The following CMPK2 variants were observed in gnomAD, a reference collection of about 807,000 sequenced individuals.
The protein encoded by CMPK2 is UMP-CMP kinase 2, mitochondrial.
Under a neutral mutation model 33.4 loss-of-function variants are expected in CMPK2, and 32 were observed. The observed-to-expected ratio is 0.96, with a 90% CI of 0.72 to 1.29. CMPK2 has a LOEUF of 1.29. CMPK2 is among the 50% of genes most tolerant of loss of function. The pLI, the probability that CMPK2 is intolerant of heterozygous loss-of-function variation, is 0.00. For missense variants in CMPK2, 672 were observed against 616.0 expected, an observed-to-expected ratio of 1.09 and a Z score of -0.96; for synonymous variants, 299 against 275.3, an observed-to-expected ratio of 1.09 and a Z score of -0.85.
At chr2:6,844,499 T>A (rs999522066), downstream of CMPK2, among the ~76,000 whole-genome samples, 14 of 152,196 alleles carry the variant, frequency 9.2e-5, no homozygotes, top group African/African-American at 3.1e-4. Context: ...ATGGACAACT[T>A]ACAATAATTA....
intron 4 of CMPK2, chr2:6,850,781 G>C: frequency 1.0e-6 from 1 of 985,520 alleles, no homozygotes. Context: ...TCATTGTTCA[G>C]TTAGAGAAAA....
intron 3 of CMPK2, among the ~76,000 whole-genome samples, chr2:6,860,935 C>A (rs1489996104): frequency 6.6e-6 from 1 of 152,158 alleles, no homozygotes; most frequent in Non-Finnish European, 1.5e-5. Flanking sequence ...TTCACCTACC[C>A]AAGTTATAGT....
Position 6,865,876 on chromosome 2 carries a change from C to T in CMPK2, c.-180G>A. ...GGCAGGAGCCCTGGGGCTGGGGCGC[C>T]CTTCCGGCCTCTCCTCCTCGCCGCG... On this transcript the variant is annotated 5_prime_UTR_variant, in exon 1 of 5. Coordinates refer to ENST00000256722, the MANE Select transcript of CMPK2 (RefSeq NM_207315.4). The T allele has an allele frequency of 7.3e-7, 1 of 1,373,786 alleles. No homozygotes were observed. Among genetic ancestry groups the T allele is most frequent in the African/African-American group, 1.5e-5 (1 of 65,072 alleles). The allele number at this position is 1,373,786 out of a possible 1,614,324, so 85.1% of individuals were successfully genotyped here.
chr2:6,845,055 G>T (rs1662324010), downstream of CMPK2, among the ~76,000 whole-genome samples: 1 of 152,156 alleles, frequency 6.6e-6, no homozygotes, highest in Non-Finnish European at 1.5e-5. Context: ...TGACATGGCT[G>T]CCAAGAGTGT....
rs1662452208 is a variant in CMPK2 at position 6,849,598 on chromosome 2, G to A, written c.*252C>T. 3.2e-6 allele frequency: 4 copies of A among 1,262,506 alleles called. No individual in the cohort carries two copies. Among genetic ancestry groups the A allele is most frequent in the Non-Finnish European group, 4.0e-6 (4 of 1,004,428 alleles). 78.2% of individuals were successfully genotyped at this position (1,262,506 alleles called of 1,614,324 possible). ...AGTGAAACATATGTTCCAAGAAAAT[G>A]TTTACTATGCCAGGAAGAAAGCAAT... On this transcript the variant is annotated 3_prime_UTR_variant, in exon 5 of 5. Transcript: ENST00000256722.
intron 2 of CMPK2, 31 bp from the exon 3 acceptor site, chr2:6,861,416 T>C (rs767087416): frequency 1.3e-6 from 2 of 1,551,188 alleles, no homozygotes; most frequent in Admixed American, 1.7e-5. Context: ...ATATACATCT[T>C]AACCACAGCC....
downstream of CMPK2, chr2:6,840,568 G>T: frequency 1.4e-6 from 1 of 702,190 alleles, no homozygotes; most frequent in Non-Finnish European, 2.6e-6. Context: ...GGATGTCAGG[G>T]GTCATTCCAG....
chr2:6,841,478 G>A (rs1662232811), intron 3 of CMPK2, among the ~76,000 whole-genome samples: 1 of 152,148 alleles, frequency 6.6e-6, no homozygotes, highest in South Asian at 2.1e-4. Context: ...CAACCTCTGG[G>A]CTATTTGATG....
downstream of CMPK2, among the ~76,000 whole-genome samples, chr2:6,846,331 C>T (rs773090508): frequency 1.4e-4 from 21 of 152,272 alleles, no homozygotes; most frequent in Admixed American, 2.6e-4. Context: ...GATATTCACT[C>T]GGGGTGAAAG....
chr2:6,851,511 G>A lies in CMPK2; in HGVS notation c.1165C>T (p.Arg389Trp), dbSNP rs370885313. 4.0e-5 allele frequency: 65 copies of A among 1,614,184 alleles called. No homozygotes were observed. The highest frequency in any genetic ancestry group is 2.0e-4 in the East Asian group (9 of 44,890). The change falls in exon 4 of 5, where the codon CGG becomes TGG. Residue 389 changes from arginine (R) to tryptophan (W), a missense_variant. Coordinates refer to ENST00000256722, the MANE Select transcript of CMPK2 (RefSeq NM_207315.4). The stretch of plus-strand genomic sequence containing the variant: ...TCTTCCCTGGTCTTCTCCATGCCCC[G>A]GCCCTGCAGCCTCTGCAACCTCTCC... ...PEERLQRLQGRGMEKTREEAE... is the reference protein window; with the variant it reads ...PEERLQRLQGWGMEKTREEAE...
At chr2:6,860,712 G>A (rs1662849181) in intron 3 of CMPK2, among the ~76,000 whole-genome samples, 1 of 152,116 alleles carries the variant, frequency 6.6e-6, no homozygotes, top group African/African-American at 2.4e-5. Context: ...CTAATACACT[G>A]GTTTATCATT....
intron 3 of CMPK2, 50 bp from the exon 4 acceptor site, chr2:6,851,733 T>TA: frequency 6.4e-7 from 1 of 1,556,402 alleles, no homozygotes; most frequent in Non-Finnish European, 8.8e-7. Flanking sequence ...GAAGTCAAAG[T>TA]AGCATCTGAA....
At chr2:6,866,192 A>G, upstream of CMPK2, 1 of 184,558 alleles carries the variant, frequency 5.4e-6, no homozygotes, top group Non-Finnish European at 1.1e-5. Context: ...CGGGCTCTTC[A>G]ACGCCCACTT....
upstream of CMPK2, chr2:6,866,004 CG>C (rs1558330111): frequency 4.9e-6 from 3 of 616,998 alleles, no homozygotes; most frequent in South Asian, 4.7e-5. Context: ...CGCCGGCTCC[CG>C]GGGCTGACAC....
chr2:6,855,129 A>T (rs1219009963), intron 3 of CMPK2, among the ~76,000 whole-genome samples: 1 of 150,106 alleles, frequency 6.7e-6, no homozygotes, highest in African/African-American at 2.4e-5. Flanking sequence ...TTTTGCCATT[A>T]ATAATAATAT....
chr2:6,858,904 C>G (rs1016718949), intron 3 of CMPK2, among the ~76,000 whole-genome samples: 1 of 152,140 alleles, frequency 6.6e-6, no homozygotes, highest in Non-Finnish European at 1.5e-5. Flanking sequence ...GTCTGGAGGG[C>G]TTAGAAGAAG....
rs58021246 is a variant in CMPK2 at position 6,864,767 on chromosome 2, T to A, written c.675+255A>T. 9.1e-3 allele frequency among the ~76,000 whole-genome samples: 1,379 copies of A among 152,334 alleles called. 11 individuals carry two copies. The highest frequency in any genetic ancestry group is 0.032 in the African/African-American group (1,324 of 41,566). On this transcript the variant is annotated intron_variant, in intron 1 of 4. Transcript: ENST00000256722. ...CCCCTTTACTCCCTCTGTACTGCTGTTGGGATGCTTTTACAGCAAGCATCG... is the reference window on the plus strand; with the variant it reads ...CCCCTTTACTCCCTCTGTACTGCTGATGGGATGCTTTTACAGCAAGCATCG...
At chr2:6,846,837 CTT>C (rs2103215146), downstream of CMPK2, among the ~76,000 whole-genome samples, 1 of 152,326 alleles carries the variant, frequency 6.6e-6, no homozygotes, top group East Asian at 1.9e-4. Context: ...AAGGTCAACT[CTT>C]AATCATCCTT....
At chr2:6,853,684 C>T (rs752994767) in intron 3 of CMPK2, among the ~76,000 whole-genome samples, 28 of 152,124 alleles carry the variant, frequency 1.8e-4, no homozygotes, top group African/African-American at 2.2e-4. Context: ...GGGTGGATCA[C>T]GAGGTCAGGA....
Sources: gnomAD v4.1 joint callset for allele counts (sites outside exome capture counted in the v4.1 genomes callset) on GRCh38, gnomAD v4.1.1 for gene constraint, MANE v1.5 for transcripts, NCBI Gene and HGNC (gene_info 2026-07-23, HGNC 2026-07-21) for gene names.